The following CDC42 variants were observed in gnomAD, a reference collection of about 807,000 sequenced individuals.
CDC42 encodes cell division control protein 42 homolog.
A neutral mutation model predicts 20.8 loss-of-function variants in CDC42; 1 was observed. The observed-to-expected ratio is 0.05, with a 90% confidence interval of 0.02 to 0.23. The LOEUF (loss-of-function observed/expected upper bound fraction) is 0.23, where lower values mean the gene tolerates loss of function less well. CDC42 is among the 10% of genes least tolerant of loss of function. The pLI is 1.00. For missense variants in CDC42, 49 were observed against 227.9 expected, an observed-to-expected ratio of 0.21 and a Z score of 5.05; for synonymous variants, 72 against 84.8, an observed-to-expected ratio of 0.85 and a Z score of 0.83.
chr1:22,080,751 C>T (rs535354882), intron 2 of CDC42, among the ~76,000 whole-genome samples: 4 of 152,236 alleles, frequency 2.6e-5, no homozygotes, highest in East Asian at 1.9e-4. Flanking sequence ...TTCGTACAAC[C>T]GATATTAGCA....
chr1:22,084,584 C>T (rs902541442), intron 3 of CDC42, among the ~76,000 whole-genome samples: 11 of 151,698 alleles, frequency 7.3e-5, no homozygotes, highest in African/African-American at 1.7e-4. Flanking sequence ...ATCACATACA[C>T]GATTTGCATA....
rs6702176 is a variant in CDC42 at position 22,094,439 on chromosome 1, C to T, written c.*2922C>T. Among the ~76,000 whole-genome samples, 12 of 141,900 alleles carry T rather than the reference C, an allele frequency of 8.5e-5. No homozygotes were observed. The highest frequency in any genetic ancestry group is 3.0e-5 in the Non-Finnish European group (2 of 66,098). The allele number at this position is 141,900 out of a possible 152,430, so 93.1% of individuals were successfully genotyped here. Reference sequence around the variant, plus strand: ...CAGCCTCCCGAGTAGCTGGGACTACCGGCGCCCGCTACCACGCCCGGCTAA... The same window carrying T: ...CAGCCTCCCGAGTAGCTGGGACTACTGGCGCCCGCTACCACGCCCGGCTAA... On this transcript the variant is annotated 3_prime_UTR_variant, in exon 6 of 6. Transcript: ENST00000656825.
At chr1:22,055,726 C>G (rs936278862) in intron 1 of CDC42, among the ~76,000 whole-genome samples, 2 of 152,142 alleles carry the variant, frequency 1.3e-5, no homozygotes, top group African/African-American at 4.8e-5. Flanking sequence ...TGAACTCAAG[C>G]TATTTGCTCC....
At chr1:22,060,103 A>C (rs1202760632) in intron 1 of CDC42, among the ~76,000 whole-genome samples, 3 of 151,946 alleles carry the variant, frequency 2.0e-5, no homozygotes, top group Admixed American at 1.3e-4. Context: ...GCACTTTGGG[A>C]GGCTGAGGCA....
intron 3 of CDC42, 129 bp from the exon 4 acceptor site, chr1:22,086,310 A>G (rs1645662076): frequency 1.7e-6 from 1 of 604,744 alleles, no homozygotes; most frequent in Non-Finnish European, 3.0e-6. Flanking sequence ...CCCACATATT[A>G]TATTACAAAG....
At chr1:22,065,550 G>A (rs892583292) in intron 1 of CDC42, among the ~76,000 whole-genome samples, 2 of 152,116 alleles carry the variant, frequency 1.3e-5, no homozygotes, top group African/African-American at 4.8e-5. Flanking sequence ...TAAGAATAAG[G>A]TGCCATATTA....
intron 1 of CDC42, among the ~76,000 whole-genome samples, chr1:22,071,035 TTTTTTTCTTTC>T (rs1645484656): frequency 1.0e-5 from 1 of 99,952 alleles, no homozygotes; most frequent in Non-Finnish European, 1.9e-5. Context: ...AGCATTTCTT[TTTTTTTCTTTC>T]TTTTTTTTTT....
At position 22,078,529 on chromosome 1, in the gene CDC42, A is replaced by G. The variant is rs775718828; in HGVS notation, c.51A>G (p.Thr17=). The change falls in exon 2 of 6, where the codon ACA becomes ACG. Residue 17 remains threonine (T), a synonymous_variant. Transcript: ENST00000656825. Reference sequence around the variant, plus strand: ...TGGGCGATGGTGCTGTTGGTAAAACATGTCTCCTGATATCCTACACAACAA... The same window carrying G: ...TGGGCGATGGTGCTGTTGGTAAAACGTGTCTCCTGATATCCTACACAACAA... ...VVVGDGAVGK[T]CLLISYTTNK... 1.2e-6 allele frequency: 2 copies of G among 1,613,512 alleles called. No individual in the cohort carries two copies. The highest frequency in any genetic ancestry group is 3.3e-5 in the Admixed American group (2 of 60,016).
intron 1 of CDC42, chr1:22,074,199 C>T (rs1450316528): frequency 6.6e-6 from 1 of 152,198 alleles, no homozygotes; most frequent in African/African-American, 2.4e-5. Flanking sequence ...GCCTCAGGCT[C>T]CTGAGTAGCT....
intron 5 of CDC42, among the ~76,000 whole-genome samples, chr1:22,089,500 C>CT (rs1645694562): frequency 6.6e-6 from 1 of 152,134 alleles, no homozygotes; most frequent in Non-Finnish European, 1.5e-5. Context: ...ACAATTAACA[C>CT]TTTTTAAATG....
intron 1 of CDC42, among the ~76,000 whole-genome samples, chr1:22,074,713 C>G (rs1196858542): frequency 1.3e-5 from 2 of 152,180 alleles, no homozygotes; most frequent in African/African-American, 4.8e-5. Flanking sequence ...CCACTGTGCT[C>G]TTTAATACAT....
chr1:22,082,076 G>A (rs1424844074), intron 3 of CDC42, among the ~76,000 whole-genome samples: 1 of 152,174 alleles, frequency 6.6e-6, no homozygotes, highest in Non-Finnish European at 1.5e-5. Context: ...AAATCCTGAT[G>A]CGTGCACCTT....
At chr1:22,066,460 G>C (rs1356733556) in intron 1 of CDC42, among the ~76,000 whole-genome samples, 3 of 152,186 alleles carry the variant, frequency 2.0e-5, no homozygotes, top group Admixed American at 2.0e-4. Context: ...TTTATTCGGT[G>C]AGTGTGTCCT....
intron 5 of CDC42, among the ~76,000 whole-genome samples, chr1:22,088,248 A>C (rs1478129622): frequency 2.0e-5 from 3 of 152,230 alleles, no homozygotes; most frequent in Admixed American, 1.3e-4. Context: ...GTTAGACACT[A>C]ATTCTGTGTG....
chr1:22,060,823 T>A (rs1645354766), intron 1 of CDC42, among the ~76,000 whole-genome samples: 1 of 152,164 alleles, frequency 6.6e-6, no homozygotes, highest in Non-Finnish European at 1.5e-5. Context: ...TATTATAGGG[T>A]TTAAGATTAA....
rs1645745517 is a variant in CDC42, at chr1:22,094,752, G to A, written c.*3235G>A. On this transcript the variant is annotated 3_prime_UTR_variant, in exon 6 of 6. Coordinates refer to ENST00000656825, the MANE Select transcript of CDC42 (RefSeq NM_001791.4). Reference sequence around the variant, plus strand: ...TGTATTTTTCTCACATTTTCATATTGTAATTAGGATACCTGTTAACATTGG... The same window carrying A: ...TGTATTTTTCTCACATTTTCATATTATAATTAGGATACCTGTTAACATTGG... Among the ~76,000 whole-genome samples, 1 of 152,084 alleles carries A rather than the reference G, an allele frequency of 6.6e-6. No individual in the cohort carries two copies. Among genetic ancestry groups the A allele is most frequent in the Non-Finnish European group, 1.5e-5 (1 of 68,030 alleles).
rs1462291706 is a variant in CDC42 at position 22,101,060 on chromosome 1, G to A, written c.*9543G>A. 4 of 152,234 alleles carry A rather than the reference G, an allele frequency of 2.6e-5. No individual in the cohort carries two copies. The highest frequency in any genetic ancestry group is 1.9e-4 in the East Asian group (1 of 5,206). 9.4% of individuals were successfully genotyped at this position (152,234 alleles called of 1,614,324 possible). On this transcript the variant is annotated 3_prime_UTR_variant, in exon 6 of 6. Transcript: ENST00000656825. ...CCTGTGAATTCTTCACTGGCTTCTT[G>A]TAAGAATGACTTTACTGGAGGGTGC...
chr1:22,073,221 A>T (rs1645511424), intron 1 of CDC42, among the ~76,000 whole-genome samples: 1 of 152,180 alleles, frequency 6.6e-6, no homozygotes, highest in African/African-American at 2.4e-5. Flanking sequence ...CTTAAAGGAT[A>T]TTTGAATTCC....
intron 1 of CDC42, among the ~76,000 whole-genome samples, chr1:22,065,315 A>G (rs1645410930): frequency 6.6e-6 from 1 of 152,194 alleles, no homozygotes; most frequent in Non-Finnish European, 1.5e-5. Flanking sequence ...CCCTTTCTGT[A>G]ATATTTTGAA....
Sources: gnomAD v4.1 joint callset for allele counts (sites outside exome capture counted in the v4.1 genomes callset) on GRCh38, gnomAD v4.1.1 for gene constraint, MANE v1.5 for transcripts, NCBI Gene and HGNC (gene_info 2026-07-23, HGNC 2026-07-21) for gene names.